Variants in SPOPL observed in about 807,000 individuals in gnomAD.
SPOPL encodes the protein speckle type BTB/POZ protein like.
SPOPL carries 23 observed loss-of-function variants against 53.8 expected under a neutral mutation model. The observed-to-expected ratio is 0.43, with a 90% CI of 0.31 to 0.61. SPOPL has a LOEUF of 0.61. SPOPL is among the 20% of genes least tolerant of loss of function. The pLI is 0.12. For missense variants in SPOPL, 442 were observed against 466.9 expected, an observed-to-expected ratio of 0.95 and a Z score of 0.49; for synonymous variants, 164 against 149.7, an observed-to-expected ratio of 1.10 and a Z score of -0.70.
At chr2:138,538,980 A>G (rs1160771145) in intron 1 of SPOPL, among the ~76,000 whole-genome samples, 3 of 151,906 alleles carry the variant, frequency 2.0e-5, no homozygotes, top group Non-Finnish European at 2.9e-5. Flanking sequence ...TTTTCCACCT[A>G]TGAGTGAGAA....
intron 5 of SPOPL, chr2:138,554,650 C>T: frequency 2.7e-6 from 1 of 373,758 alleles, no homozygotes; most frequent in Non-Finnish European, 4.1e-6. Flanking sequence ...GCAGCTCTGC[C>T]CTCTTTCCCA....
intron 1 of SPOPL, among the ~76,000 whole-genome samples, chr2:138,530,138 C>G (rs914573254): frequency 1.3e-5 from 2 of 152,182 alleles, no homozygotes; most frequent in Non-Finnish European, 2.9e-5. Context: ...CATGTTCCTG[C>G]AAAGGATATG....
chr2:138,568,887 C>T, intron 10 of SPOPL, 49 bp from the exon 11 acceptor site: 1 of 1,595,564 alleles, frequency 6.3e-7, no homozygotes, highest in Non-Finnish European at 8.6e-7. Flanking sequence ...TGCAATAGTG[C>T]ATTTTGAAAA....
chr2:138,548,788 A>G (rs1012922023), intron 1 of SPOPL, among the ~76,000 whole-genome samples: 1 of 152,118 alleles, frequency 6.6e-6, no homozygotes, highest in Non-Finnish European at 1.5e-5. Context: ...GTCACTGGCA[A>G]AAGTATTGAC....
chr2:138,560,790 G>GC lies in SPOPL; in HGVS notation c.715-15_715-14insC, dbSNP rs781153637. The GC allele has an allele frequency of 1.3e-6, 2 of 1,538,078 alleles. No individual in the cohort carries two copies. The highest frequency in any genetic ancestry group is 1.7e-6 in the Non-Finnish European group (2 of 1,150,722). On this transcript the variant is annotated splice_polypyrimidine_tract_variant and intron_variant, in intron 7 of 10. Transcript: ENST00000280098. Reference sequence around the variant, plus strand: ...TTTTTTTTTTTAACATTTTTGTGTTGTTTTTCGATATCAGAATCGAGTGGA... The same window carrying GC: ...TTTTTTTTTTTAACATTTTTGTGTTGCTTTTTCGATATCAGAATCGAGTGGA...
At chr2:138,550,725 G>C in intron 3 of SPOPL, 121 bp downstream of exon 3, 1 of 1,441,800 alleles carries the variant, frequency 6.9e-7, no homozygotes, top group Non-Finnish European at 9.4e-7. Context: ...TAGATTGGTA[G>C]TATGTTCCTA....
At chr2:138,521,804 C>A (rs758046947) in intron 1 of SPOPL, among the ~76,000 whole-genome samples, 4 of 152,112 alleles carry the variant, frequency 2.6e-5, no homozygotes, top group Non-Finnish European at 5.9e-5. Flanking sequence ...AAAAGAGATT[C>A]CCTAACATTG....
intron 1 of SPOPL, among the ~76,000 whole-genome samples, chr2:138,511,508 G>C (rs957045634): frequency 6.6e-6 from 1 of 152,122 alleles, no homozygotes; most frequent in Admixed American, 6.5e-5. Flanking sequence ...GAGTACTTAA[G>C]ACATTTTATC....
intron 4 of SPOPL, 33 bp downstream of exon 4, chr2:138,551,087 C>T: frequency 3.7e-6 from 6 of 1,608,962 alleles, no homozygotes; most frequent in Non-Finnish European, 5.1e-6. Context: ...GAAGACATTT[C>T]TGTATAACTA....
intron 5 of SPOPL, among the ~76,000 whole-genome samples, chr2:138,557,475 C>G (rs1685451672): frequency 6.6e-6 from 1 of 152,156 alleles, no homozygotes; most frequent in Admixed American, 6.5e-5. Context: ...AAGACTTAAT[C>G]TTCTCCAAAC....
chr2:138,551,561 G>A (rs1350453847), intron 4 of SPOPL, among the ~76,000 whole-genome samples: 1 of 151,978 alleles, frequency 6.6e-6, no homozygotes. Flanking sequence ...TATATAGCCA[G>A]CTGAAATGCA....
chr2:138,539,471 G>A (rs1685016394), intron 1 of SPOPL, among the ~76,000 whole-genome samples: 3 of 152,052 alleles, frequency 2.0e-5, no homozygotes. Context: ...ATCTCATTGT[G>A]GTTTTGATTT....
chr2:138,538,367 A>G (rs2104879739), intron 1 of SPOPL, among the ~76,000 whole-genome samples: 1 of 152,258 alleles, frequency 6.6e-6, no homozygotes, highest in Non-Finnish European at 1.5e-5. Context: ...TTTGCTTGAT[A>G]TCGTTTGGGG....
chr2:138,517,521 G>A (rs1400772480), intron 1 of SPOPL, among the ~76,000 whole-genome samples: 1 of 151,000 alleles, frequency 6.6e-6, no homozygotes. Context: ...CAGGAGGATC[G>A]CAAGGTCAGG....
rs947397979 is a variant in SPOPL, at chr2:138,570,878, C to T, written c.*1798C>T. 4.6e-5 allele frequency: 7 copies of T among 152,194 alleles called. No individual in the cohort carries two copies. The East Asian group carries it at 9.7e-4, about 21-fold the overall frequency. The allele number at this position is 152,194 out of a possible 1,614,324, so 9.4% of individuals were successfully genotyped here. A position where few individuals can be genotyped will look rare whatever the true frequency, so the allele number is the denominator to read the frequency against. ...ACAACAACCTAGAGTTTAAAAAGAT[C>T]GTATTTTCACCTGTCTTCATTACTT... is the stretch of plus-strand genomic sequence containing the variant. On this transcript the variant is annotated 3_prime_UTR_variant, in exon 11 of 11. Coordinates refer to ENST00000280098, the MANE Select transcript of SPOPL (RefSeq NM_001001664.3).
At chr2:138,560,690 A>G (rs1685526163) in intron 7 of SPOPL, 115 bp from the exon 8 acceptor site, 6 of 1,110,528 alleles carry the variant, frequency 5.4e-6, no homozygotes, top group East Asian at 2.6e-5. Context: ...TATTTGAGTT[A>G]TACACTATTT....
chr2:138,560,740 C>T, intron 7 of SPOPL, 65 bp from the exon 8 acceptor site: 1 of 1,508,804 alleles, frequency 6.6e-7, no homozygotes. Context: ...GTCAAAGATT[C>T]ACTTTGGTTC....
At position 138,565,017 on chromosome 2, in the gene SPOPL, TC is replaced by T. The variant is rs373491290; in HGVS notation, c.1034+25del. ...AAGTAAGATGACATCAGTTTCTGAC[TC>T]AAAGTTGCTCTACATAAGTGAGATT... is the stretch of plus-strand genomic sequence containing the variant. On this transcript the variant is annotated intron_variant, in intron 10 of 10. Coordinates refer to ENST00000280098, the MANE Select transcript of SPOPL (RefSeq NM_001001664.3). 1.8e-3 allele frequency: 2,924 copies of T among 1,613,378 alleles called. 31 individuals carry two copies. The highest frequency in any genetic ancestry group is 0.015 in the South Asian group (1,353 of 91,036).
At chr2:138,529,547 C>T (rs141267807) in intron 1 of SPOPL, among the ~76,000 whole-genome samples, 4,087 of 150,550 alleles carry the variant, frequency 0.027, 89 homozygotes, top group Non-Finnish European at 0.04. Flanking sequence ...TGCGTGCGCG[C>T]GCGCTTCTGC....
Sources: allele counts gnomAD v4.1 joint callset (sites outside exome capture counted in the v4.1 genomes callset), GRCh38; gene constraint gnomAD v4.1.1; transcripts MANE v1.5; gene names NCBI Gene and HGNC (gene_info 2026-07-23, HGNC 2026-07-21).